EHMT1: variants seen among roughly 807,000 people sequenced by gnomAD.
EHMT1 encodes euchromatic histone lysine methyltransferase 1.
A neutral mutation model predicts 147.2 loss-of-function variants in EHMT1; 15 were observed. The ratio of observed to expected loss-of-function variants is 0.10; its 90% CI spans 0.07 to 0.16. The LOEUF is 0.16. Among genes scored for constraint, EHMT1 ranks in the 10% least tolerant of loss-of-function variants. EHMT1 has a pLI of 1.00. For missense variants in EHMT1, 1,587 were observed against 1,772.4 expected, an observed-to-expected ratio of 0.90 and a Z score of 1.88; for synonymous variants, 795 against 709.6, an observed-to-expected ratio of 1.12 and a Z score of -1.91.
At chr9:137,792,230 G>A in intron 16 of EHMT1, 1 of 374,058 alleles carries the variant, frequency 2.7e-6, no homozygotes, top group Non-Finnish European at 5.5e-6. Flanking sequence ...GAGACCAATG[G>A]AATAAAATAA....
chr9:137,706,048 G>T (rs992456711), intron 1 of EHMT1, among the ~76,000 whole-genome samples: 9 of 152,048 alleles, frequency 5.9e-5, no homozygotes, highest in African/African-American at 1.9e-4. Context: ...TGTGCGTTGG[G>T]GGGTTGGGGG....
Position 137,804,495 on chromosome 9 carries a change from G to A in EHMT1, c.2712+3511G>A, listed in dbSNP as rs374528102. On this transcript the variant is annotated intron_variant, in intron 18 of 26. Coordinates refer to ENST00000460843, the MANE Select transcript of EHMT1 (RefSeq NM_024757.5). ...GTATTCTGGAGTTTTAAGAGTTCAT[G>A]TTCTGGATATAAGTCCTTTATCAGA... Among the ~76,000 whole-genome samples the A allele has an allele frequency of 1.2e-4, 19 of 152,256 alleles. No individual in the cohort carries two copies. In the East Asian group the frequency reaches 3.5e-3, roughly 28 times the overall value.
chr9:137,743,580 G>T (rs547362155), intron 5 of EHMT1, 52 bp downstream of exon 5: 2 of 1,612,664 alleles, frequency 1.2e-6, no homozygotes, highest in Non-Finnish European at 1.7e-6. Context: ...ATGCGTTTCT[G>T]TGTTCAGGGC....
At position 137,626,833 on chromosome 9, in the gene EHMT1, T is replaced by A. The variant is rs534695916; in HGVS notation, c.21+7784T>A. 1.4e-4 allele frequency among the ~76,000 whole-genome samples: 21 copies of A among 151,802 alleles called. No homozygotes were observed. The East Asian group carries it at 3.7e-3, about 27-fold the overall frequency. ...AGAGTTTTGCTCTTGTTGCCCAGGC[T>A]GGAGTGCAGTGGCGTGATCTCTGCT... is the stretch of plus-strand genomic sequence containing the variant. On this transcript the variant is annotated intron_variant, in intron 1 of 26. Transcript: ENST00000460843.
intron 1 of EHMT1, among the ~76,000 whole-genome samples, chr9:137,639,498 T>C (rs2133786152): frequency 6.6e-6 from 1 of 152,328 alleles, no homozygotes; most frequent in African/African-American, 2.4e-5. Context: ...CTATGTTATC[T>C]TGCGTGTGTT....
chr9:137,620,495 A>G (rs1031130034), intron 1 of EHMT1, among the ~76,000 whole-genome samples: 7 of 152,150 alleles, frequency 4.6e-5, no homozygotes, highest in Non-Finnish European at 1.0e-4. Flanking sequence ...TGCTCACTGC[A>G]GCTTCGACCA....
At chr9:137,820,162 T>C (rs1444991374) in intron 25 of EHMT1, 9 of 152,398 alleles carry the variant, frequency 5.9e-5, no homozygotes, top group Admixed American at 2.6e-4. Context: ...TGCAGCCACC[T>C]TCTAAGAAGT....
intron 25 of EHMT1, among the ~76,000 whole-genome samples, chr9:137,826,712 TG>T (rs978498470): frequency 2.0e-5 from 3 of 152,196 alleles, no homozygotes; most frequent in African/African-American, 7.2e-5. Context: ...AGAGCTTTGC[TG>T]GGGCTTCGAA....
At chr9:137,688,800 T>C (rs1034144622) in intron 1 of EHMT1, among the ~76,000 whole-genome samples, 4 of 152,230 alleles carry the variant, frequency 2.6e-5, no homozygotes, top group African/African-American at 7.2e-5. Flanking sequence ...TGGTGTCATA[T>C]CACTGCATGG....
chr9:137,716,009 T>C (rs1339352737), intron 2 of EHMT1, among the ~76,000 whole-genome samples: 1 of 149,690 alleles, frequency 6.7e-6, no homozygotes, highest in Non-Finnish European at 1.5e-5. Flanking sequence ...GCCAAAGAAA[T>C]TGTGTTGGTG....
chr9:137,834,245 C>T (rs1956436519), intron 25 of EHMT1, 104 bp from the exon 26 acceptor site: 3 of 1,463,034 alleles, frequency 2.1e-6, no homozygotes, highest in Admixed American at 1.9e-5. Flanking sequence ...GGCGGGCCTG[C>T]GCCCAACTGC....
chr9:137,642,429 C>T (rs1446162836), intron 1 of EHMT1, among the ~76,000 whole-genome samples: 1 of 152,162 alleles, frequency 6.6e-6, no homozygotes, highest in Non-Finnish European at 1.5e-5. Context: ...CCTCAGCCTC[C>T]TGAGTAGCTG....
intron 6 of EHMT1, among the ~76,000 whole-genome samples, chr9:137,748,869 C>A (rs1040412306): frequency 3.9e-5 from 6 of 152,136 alleles, no homozygotes; most frequent in Non-Finnish European, 7.4e-5. Flanking sequence ...GACATGATTC[C>A]TTCTTCTGCA....
chr9:137,678,449 TC>T (rs1373817854), intron 1 of EHMT1, among the ~76,000 whole-genome samples: 1 of 152,138 alleles, frequency 6.6e-6, no homozygotes, highest in Non-Finnish European at 1.5e-5. Flanking sequence ...AAATGCTTTT[TC>T]TCCCTCCGTT....
At chr9:137,645,048 T>G (rs1267886131) in intron 1 of EHMT1, among the ~76,000 whole-genome samples, 2 of 152,148 alleles carry the variant, frequency 1.3e-5, no homozygotes, top group Non-Finnish European at 2.9e-5. Context: ...AATTTTTGTA[T>G]TTTTAGTAGA....
intron 9 of EHMT1, among the ~76,000 whole-genome samples, chr9:137,758,623 T>A (rs913489134): frequency 6.6e-6 from 1 of 152,182 alleles, no homozygotes; most frequent in South Asian, 2.1e-4. Context: ...TTGGGAAGAT[T>A]TATTCGAAGC....
At chr9:137,647,594 C>CTTT (rs1365222941) in intron 1 of EHMT1, among the ~76,000 whole-genome samples, 2 of 129,616 alleles carry the variant, frequency 1.5e-5, no homozygotes, top group African/African-American at 3.0e-5. Context: ...CTGCTCTTGC[C>CTTT]TTTTTTTTTT....
At chr9:137,767,116 C>T (rs1313720319) in intron 10 of EHMT1, among the ~76,000 whole-genome samples, 1 of 152,156 alleles carries the variant, frequency 6.6e-6, no homozygotes, top group Non-Finnish European at 1.5e-5. Context: ...AGCCACCGTG[C>T]CCAGCCTACT....
chr9:137,792,658 T>G (rs1476984603), intron 16 of EHMT1, among the ~76,000 whole-genome samples: 4 of 152,124 alleles, frequency 2.6e-5, no homozygotes, highest in African/African-American at 7.2e-5. Context: ...TGAGCCGAGA[T>G]CACGCCACTG....
Sources: gnomAD v4.1 joint callset for allele counts (sites outside exome capture counted in the v4.1 genomes callset) on GRCh38, gnomAD v4.1.1 for gene constraint, MANE v1.5 for transcripts, NCBI Gene and HGNC (gene_info 2026-07-23, HGNC 2026-07-21) for gene names.